KLHL29: variants seen among roughly 807,000 people sequenced by gnomAD.
KLHL29 encodes the protein kelch like family member 29.
KLHL29 carries 21 observed loss-of-function variants against 80.4 expected under a neutral mutation model. The observed-to-expected ratio is 0.26, with a 90% CI of 0.19 to 0.38. The LOEUF is 0.38. KLHL29 is among the 10% of genes least tolerant of loss of function. The pLI is 1.00. For missense variants in KLHL29, 867 were observed against 1,223.9 expected, an observed-to-expected ratio of 0.71 and a Z score of 4.35; for synonymous variants, 511 against 526.8, an observed-to-expected ratio of 0.97 and a Z score of 0.41.
intron 2 of KLHL29, among the ~76,000 whole-genome samples, chr2:23,532,117 C>T (rs999695810): frequency 3.9e-5 from 6 of 152,170 alleles, no homozygotes; most frequent in South Asian, 2.1e-4. Flanking sequence ...GACCAGAACC[C>T]GCTCCACTGG....
At chr2:23,462,373 C>T (rs1178596214) in intron 1 of KLHL29, among the ~76,000 whole-genome samples, 3 of 152,186 alleles carry the variant, frequency 2.0e-5, no homozygotes, top group Non-Finnish European at 4.4e-5. Flanking sequence ...CCGGTGGGTT[C>T]TTTGAGGCTG....
intron 7 of KLHL29, 83 bp downstream of exon 7, chr2:23,691,959 G>A (rs1006100459): frequency 1.4e-6 from 2 of 1,389,974 alleles, no homozygotes; most frequent in Non-Finnish European, 2.0e-6. Flanking sequence ...GACTGAGCGG[G>A]GAGGTCTGTG....
At chr2:23,697,863 G>A (rs1024525861) in intron 11 of KLHL29, 2 of 152,266 alleles carry the variant, frequency 1.3e-5, no homozygotes, top group Middle Eastern at 3.4e-3. Flanking sequence ...ATCGGCTTCC[G>A]ATCATTTGTC....
intron 5 of KLHL29, among the ~76,000 whole-genome samples, chr2:23,649,353 T>C (rs1670026550): frequency 6.6e-6 from 1 of 152,192 alleles, no homozygotes; most frequent in Non-Finnish European, 1.5e-5. Flanking sequence ...CCAGCCCTGC[T>C]CAGGAAGCCT....
chr2:23,685,043 C>A (rs1229068486), intron 6 of KLHL29, among the ~76,000 whole-genome samples: 5 of 152,170 alleles, frequency 3.3e-5, no homozygotes, highest in Non-Finnish European at 5.9e-5. Context: ...TTTCCCCAGC[C>A]CAAGTAGGGG....
At chr2:23,501,876 C>T (rs73919718) in intron 2 of KLHL29, among the ~76,000 whole-genome samples, 10,337 of 152,280 alleles carry the variant, frequency 0.068, 417 homozygotes, top group Non-Finnish European at 0.089. Flanking sequence ...AAAGCCCCCT[C>T]GTGCCCCTTC....
intron 5 of KLHL29, among the ~76,000 whole-genome samples, chr2:23,657,804 G>T (rs1186967066): frequency 6.6e-6 from 1 of 152,196 alleles, no homozygotes; most frequent in Non-Finnish European, 1.5e-5. Context: ...TAAGAAGGCT[G>T]GTTGGTCACC....
chr2:23,656,620 T>G (rs1382040264), intron 5 of KLHL29, among the ~76,000 whole-genome samples: 1 of 152,246 alleles, frequency 6.6e-6, no homozygotes, highest in Non-Finnish European at 1.5e-5. Context: ...TGAGAAGTTC[T>G]TCCAGACTGC....
chr2:23,603,223 G>C (rs1400614121), intron 3 of KLHL29, among the ~76,000 whole-genome samples: 1 of 152,190 alleles, frequency 6.6e-6, no homozygotes, highest in Non-Finnish European at 1.5e-5. Flanking sequence ...CCACCCTGTA[G>C]GAGTTTCTGT....
At position 23,681,382 on chromosome 2, in the gene KLHL29, T is replaced by C. The variant is rs62127289; in HGVS notation, c.941-3017T>C. On this transcript the variant is annotated intron_variant, in intron 5 of 13. Transcript: ENST00000486442. This position sits in a 1 kb window ranked among gnomAD's most constrained non-coding sequence, Gnocchi z 4.2. ...TGAACCTCCAAGCGCCTTCCAGGTC[T>C]AGCTCCAGAATTCCTGGAGCAGAAG... Among the ~76,000 whole-genome samples, 3,646 of 152,346 alleles carry C rather than the reference T, an allele frequency of 0.024. 59 individuals are homozygous for C. Among genetic ancestry groups the C allele is most frequent in the Non-Finnish European group, 0.031 (2,083 of 68,032 alleles).
At chr2:23,646,272 C>T (rs773929086) in intron 5 of KLHL29, among the ~76,000 whole-genome samples, 13 of 152,160 alleles carry the variant, frequency 8.5e-5, no homozygotes, top group Non-Finnish European at 1.5e-4. Flanking sequence ...CCCAGGATCC[C>T]GTGAACCCAG....
intron 5 of KLHL29, among the ~76,000 whole-genome samples, chr2:23,646,379 G>T (rs886812611): frequency 2.0e-5 from 3 of 152,192 alleles, no homozygotes; most frequent in African/African-American, 7.2e-5. Flanking sequence ...GAGGATGTAT[G>T]GGGACCTTTT....
At chr2:23,436,280 T>TTGTGTGTGTGTGTGTG (rs57931176) in intron 1 of KLHL29, among the ~76,000 whole-genome samples, 51 of 137,038 alleles carry the variant, frequency 3.7e-4, no homozygotes, top group African/African-American at 8.6e-4. Flanking sequence ...CCAATCAGCT[T>TTGTGTGTGTGTGTGTG]TGTGTGTGTG....
At chr2:23,674,982 C>T (rs1670882455) in intron 5 of KLHL29, among the ~76,000 whole-genome samples, 1 of 152,144 alleles carries the variant, frequency 6.6e-6, no homozygotes, top group African/African-American at 2.4e-5. Flanking sequence ...GCCTTGACTC[C>T]CCTGGATGTT....
chr2:23,449,716 A>G (rs934075049), intron 1 of KLHL29, among the ~76,000 whole-genome samples: 2 of 152,200 alleles, frequency 1.3e-5, no homozygotes, highest in Non-Finnish European at 2.9e-5. Flanking sequence ...CTGGATACAG[A>G]GAGGCCATTA....
At chr2:23,614,593 T>G (rs1004738466) in intron 3 of KLHL29, among the ~76,000 whole-genome samples, 1 of 152,136 alleles carries the variant, frequency 6.6e-6, no homozygotes, top group Non-Finnish European at 1.5e-5. Context: ...GTACATAAAA[T>G]CTAGGGAATA....
At chr2:23,405,365 C>T (rs1319457388) in intron 1 of KLHL29, among the ~76,000 whole-genome samples, 1 of 152,114 alleles carries the variant, frequency 6.6e-6, no homozygotes, top group East Asian at 1.9e-4. Context: ...TTAAAAATTA[C>T]CATCTACTCA....
intron 1 of KLHL29, among the ~76,000 whole-genome samples, chr2:23,432,065 G>A (rs994390907): frequency 1.3e-5 from 2 of 152,094 alleles, no homozygotes; most frequent in African/African-American, 2.4e-5. Context: ...ACCATTTCTC[G>A]AAGTTTCCTC....
chr2:23,441,860 A>T (rs1287093664), intron 1 of KLHL29, among the ~76,000 whole-genome samples: 1 of 152,216 alleles, frequency 6.6e-6, no homozygotes, highest in African/African-American at 2.4e-5. Flanking sequence ...CTGTGCAAGC[A>T]CTTATTCAGC....
Sources: allele counts gnomAD v4.1 joint callset (sites outside exome capture counted in the v4.1 genomes callset), GRCh38; gene constraint gnomAD v4.1.1; non-coding constraint Gnocchi (gnomAD v3.1); transcripts MANE v1.5; gene names NCBI Gene and HGNC (gene_info 2026-07-23, HGNC 2026-07-21).